The following MLF1 variants were observed in gnomAD, a reference collection of about 807,000 sequenced individuals.
The protein encoded by MLF1 is myelodysplasia-myeloid leukemia factor 1.
A neutral mutation model predicts 38.3 loss-of-function variants in MLF1; 37 were observed. The ratio of observed to expected loss-of-function variants is 0.96; its 90% confidence interval spans 0.74 to 1.27. MLF1 has a LOEUF of 1.27. Ranked by LOEUF, MLF1 falls within the 50% of genes most tolerant of loss-of-function variation. The pLI, the probability that MLF1 is intolerant of heterozygous loss-of-function variation, is 0.00. For missense variants in MLF1, 331 were observed against 349.2 expected (o/e 0.95, Z 0.42); for synonymous variants, 95 against 106.5 (o/e 0.89, Z 0.66).
At chr3:158,599,476 CTAAT>C (rs1052695607) in intron 5 of MLF1, among the ~76,000 whole-genome samples, 25 of 152,176 alleles carry the variant, frequency 1.6e-4, no homozygotes, top group Non-Finnish European at 2.8e-4. Flanking sequence ...CATAGTTCTG[CTAAT>C]TAATCTCAGA....
At chr3:158,574,976 A>G (rs1324643263) in intron 1 of MLF1, among the ~76,000 whole-genome samples, 1 of 152,172 alleles carries the variant, frequency 6.6e-6, no homozygotes, top group African/African-American at 2.4e-5. Flanking sequence ...TGAATGTGTA[A>G]TGAGTATAAT....
chr3:158,604,426 G>A (rs73024783), intron 7 of MLF1, among the ~76,000 whole-genome samples: 2 of 152,036 alleles, frequency 1.3e-5, no homozygotes, highest in Non-Finnish European at 2.9e-5. Flanking sequence ...GTCCAGTGTA[G>A]TAATCACTAG....
intron 1 of MLF1, among the ~76,000 whole-genome samples, chr3:158,574,407 C>G (rs537436695): frequency 2.7e-5 from 4 of 150,188 alleles, no homozygotes; most frequent in African/African-American, 9.8e-5. Context: ...GTGGCTCACG[C>G]TTGTAATTCC....
At chr3:158,599,665 T>A (rs1365775008) in intron 5 of MLF1, among the ~76,000 whole-genome samples, 6 of 152,148 alleles carry the variant, frequency 3.9e-5, no homozygotes, top group Non-Finnish European at 5.9e-5. Context: ...GATGAATAAT[T>A]AGTTGCCCTT....
chr3:158,592,935 T>C (rs1042747318), intron 2 of MLF1, among the ~76,000 whole-genome samples: 1 of 152,190 alleles, frequency 6.6e-6, no homozygotes, highest in Admixed American at 6.5e-5. Flanking sequence ...ACTCATTGTT[T>C]TAATACTTGA....
chr3:158,596,757 T>A (rs953817875), intron 3 of MLF1, 105 bp from the exon 4 acceptor site: 2 of 623,628 alleles, frequency 3.2e-6, no homozygotes, highest in African/African-American at 3.7e-5. Flanking sequence ...GCATGAGATT[T>A]CACTAAATGA....
At chr3:158,603,133 A>G (rs1275886396) in intron 7 of MLF1, among the ~76,000 whole-genome samples, 194 bp downstream of exon 7, 2 of 152,234 alleles carry the variant, frequency 1.3e-5, no homozygotes, top group Non-Finnish European at 2.9e-5. Context: ...AAAATCAATA[A>G]TAGTTTAGGA....
At chr3:158,574,525 AAATAC>A (rs1407797745) in intron 1 of MLF1, among the ~76,000 whole-genome samples, 27 of 146,992 alleles carry the variant, frequency 1.8e-4, no homozygotes, top group African/African-American at 6.8e-4. Context: ...AAAAAAAAAA[AAATAC>A]AAAATTAGCC....
chr3:158,587,272 G>A (rs991368581), intron 1 of MLF1, among the ~76,000 whole-genome samples: 1 of 152,170 alleles, frequency 6.6e-6, no homozygotes, highest in South Asian at 2.1e-4. Flanking sequence ...GATTAAAATT[G>A]GAGAAAGCAT....
intron 1 of MLF1, among the ~76,000 whole-genome samples, chr3:158,587,446 T>G (rs1717401137): frequency 6.6e-6 from 1 of 152,168 alleles, no homozygotes; most frequent in South Asian, 2.1e-4. Flanking sequence ...ATCAACATTT[T>G]GAGACACCAG....
At chr3:158,600,252 A>T in intron 6 of MLF1, 79 bp downstream of exon 6, 1 of 819,712 alleles carries the variant, frequency 1.2e-6, no homozygotes, top group Non-Finnish European at 1.7e-6. Flanking sequence ...TTTTTTAGAA[A>T]CATGTCATAA....
At chr3:158,586,623 C>A (rs1205960014) in intron 1 of MLF1, among the ~76,000 whole-genome samples, 8 of 152,152 alleles carry the variant, frequency 5.3e-5, no homozygotes, top group Non-Finnish European at 1.0e-4. Context: ...GCTATCTCTT[C>A]CCCTGTTCTT....
chr3:158,579,210 G>A (rs1390850811), intron 1 of MLF1, among the ~76,000 whole-genome samples: 1 of 151,784 alleles, frequency 6.6e-6, no homozygotes, highest in Non-Finnish European at 1.5e-5. Context: ...ATTATGAATG[G>A]GCTAAAATTT....
At chr3:158,603,001 T>TTTA in intron 7 of MLF1, 62 bp downstream of exon 7, 3 of 1,447,624 alleles carry the variant, frequency 2.1e-6, no homozygotes, top group Non-Finnish European at 2.8e-6. Flanking sequence ...AGTTATGTAA[T>TTTA]TTACTTCTGT....
intron 3 of MLF1, among the ~76,000 whole-genome samples, chr3:158,595,117 A>C (rs1357690479): frequency 1.3e-5 from 2 of 152,156 alleles, no homozygotes; most frequent in Non-Finnish European, 2.9e-5. Context: ...ACAATAAACA[A>C]CAAAATAATT....
chr3:158,592,019 G>T (rs554326803), intron 1 of MLF1, among the ~76,000 whole-genome samples: 2 of 152,060 alleles, frequency 1.3e-5, no homozygotes, highest in Non-Finnish European at 2.9e-5. Flanking sequence ...TTAACCTACC[G>T]AGTATCATCA....
intron 1 of MLF1, among the ~76,000 whole-genome samples, chr3:158,588,429 C>T (rs1179709861): frequency 6.6e-6 from 1 of 152,020 alleles, no homozygotes; most frequent in Admixed American, 6.5e-5. Flanking sequence ...CGGTGAAACC[C>T]CGTCTCTACT....
chr3:158,584,819 A>G (rs1179195617), intron 1 of MLF1, among the ~76,000 whole-genome samples: 4 of 151,924 alleles, frequency 2.6e-5, no homozygotes, highest in African/African-American at 9.7e-5. Flanking sequence ...CGTAAAATAC[A>G]CTAATACTAG....
intron 3 of MLF1, 90 bp from the exon 4 acceptor site, chr3:158,596,772 G>GA (rs1296966135): frequency 9.6e-6 from 7 of 731,922 alleles, no homozygotes; most frequent in African/African-American, 7.2e-5. Flanking sequence ...AAATGAATTG[G>GA]AAAAAAATGT....
Sources: gnomAD v4.1 joint callset for allele counts (sites outside exome capture counted in the v4.1 genomes callset) on GRCh38, gnomAD v4.1.1 for gene constraint, MANE v1.5 for transcripts, NCBI Gene and HGNC (gene_info 2026-07-23, HGNC 2026-07-21) for gene names.